Variants in PPP6R2 observed in about 807,000 individuals in gnomAD.
PPP6R2 encodes the protein protein phosphatase 6 regulatory subunit 2, also known as serine/threonine-protein phosphatase 6 regulatory subunit 2.
Under a neutral mutation model 100.2 loss-of-function variants are expected in PPP6R2, and 62 were observed. The observed-to-expected ratio is 0.62, with a 90% CI of 0.50 to 0.76. The LOEUF is 0.76. PPP6R2 is among the 30% of genes least tolerant of loss of function. The probability of loss-of-function intolerance (pLI) is 0.00; values close to 1 mark genes in which losing one functional copy is unlikely to be tolerated. For synonymous variants in PPP6R2, 525 were observed against 514.7 expected, an observed-to-expected ratio of 1.02 and a Z score of -0.27; for missense variants, 1,142 against 1,276.3, an observed-to-expected ratio of 0.89 and a Z score of 1.60.
Position 50,414,542 on chromosome 22 carries a change from G to T in PPP6R2, c.415-10G>T, listed in dbSNP as rs1356205584. On this transcript the variant is annotated splice_polypyrimidine_tract_variant and intron_variant, in intron 4 of 23. Coordinates refer to ENST00000612753, the MANE Select transcript of PPP6R2 (RefSeq NM_001242898.2). ...GGCCCCGCCTGCCTCTCAGGTGTGT[G>T]TGATTTCAGGTGATTACGTTTTTGA... 15 of 1,613,826 alleles carry T rather than the reference G, an allele frequency of 9.3e-6. No homozygotes were observed. Among genetic ancestry groups the T allele is most frequent in the Non-Finnish European group, 1.3e-5 (15 of 1,179,870 alleles).
In PPP6R2 at chr22:50,438,635, G is replaced by A; in HGVS notation, c.2001G>A (p.Lys667=). Residue 667 remains lysine, a synonymous_variant, in exon 19 of 24, where the codon AAG becomes AAA. Transcript: ENST00000612753. The part of the protein sequence containing the change: ...GAPHASESCS[K]NGPERGGQDG... The stretch of plus-strand genomic sequence containing the variant: ...CCCATGCTTCAGAGAGTTGCTCAAA[G>A]AATGGCCCAGAGCGTGGAGGCCAGG... The A allele has an allele frequency of 6.2e-7, 1 of 1,614,090 alleles. No individual in the cohort carries two copies. Among genetic ancestry groups the A allele is most frequent in the Non-Finnish European group, 8.5e-7 (1 of 1,180,004 alleles).
intron 9 of PPP6R2, 141 bp downstream of exon 9, chr22:50,422,521 C>G: frequency 2.6e-6 from 3 of 1,174,200 alleles, no homozygotes; most frequent in Non-Finnish European, 3.5e-6. Flanking sequence ...CCCACACCCC[C>G]ACTTGAGAAG....
upstream of PPP6R2, among the ~76,000 whole-genome samples, chr22:50,338,761 G>A (rs1303475539): frequency 8.5e-6 from 1 of 117,496 alleles, no homozygotes; most frequent in Non-Finnish European, 1.7e-5. Context: ...ATGTGTGGTA[G>A]GTAGTGTGTG....
intron 8 of PPP6R2, among the ~76,000 whole-genome samples, chr22:50,421,650 C>G (rs1047883671): frequency 6.6e-6 from 1 of 152,174 alleles, no homozygotes; most frequent in African/African-American, 2.4e-5. Context: ...GTGGCTCACG[C>G]TTGTAATCCC....
At chr22:50,357,451 T>C (rs1352788416) in intron 1 of PPP6R2, among the ~76,000 whole-genome samples, 1 of 151,608 alleles carries the variant, frequency 6.6e-6, no homozygotes, top group African/African-American at 2.4e-5. Context: ...TCTCTCTCTT[T>C]CCCTACCTCC....
chr22:50,432,904 G>A (rs1457601553), intron 12 of PPP6R2, among the ~76,000 whole-genome samples: 1 of 152,220 alleles, frequency 6.6e-6, no homozygotes, highest in Non-Finnish European at 1.5e-5. Flanking sequence ...ACAGCATGGA[G>A]GTCCCGCCCA....
At chr22:50,408,397 C>T (rs967694759) in intron 4 of PPP6R2, among the ~76,000 whole-genome samples, 2 of 152,170 alleles carry the variant, frequency 1.3e-5, no homozygotes, top group Non-Finnish European at 2.9e-5. Context: ...TGTGAGTGTT[C>T]AGTGGAATGC....
intron 3 of PPP6R2, among the ~76,000 whole-genome samples, chr22:50,401,649 C>CT (rs368734439): frequency 0.022 from 2,984 of 138,178 alleles, 50 homozygotes; most frequent in East Asian, 0.084. Context: ...TTTCTTTTTT[C>CT]TTTTTTTTTT....
Position 50,444,037 on chromosome 22 carries a change from G to A in PPP6R2, c.2751G>A (p.Val917=). The A allele has an allele frequency of 3.1e-6, 5 of 1,613,306 alleles. No individual in the cohort carries two copies. The highest frequency in any genetic ancestry group is 2.2e-5 in the East Asian group (1 of 44,884). ...CAGCAGTCTCTTCTGCACTGGCCGT[G>A]GCGGTCCCCCTAGGGCCCATCATGG... The part of the protein sequence containing the change: ...PTPAVSSALA[V]AVPLGPIMAV... The change falls in exon 23 of 24, where the codon GTG becomes GTA. Residue 917 remains valine, a synonymous_variant. Transcript: ENST00000612753.
intron 21 of PPP6R2, among the ~76,000 whole-genome samples, chr22:50,440,618 G>T (rs1337241019): frequency 6.6e-6 from 1 of 152,230 alleles, no homozygotes; most frequent in East Asian, 1.9e-4. Flanking sequence ...TATCATGGGG[G>T]AGGCAACAGG....
intron 18 of PPP6R2, 139 bp downstream of exon 18, chr22:50,438,437 G>A (rs1172260878): frequency 1.7e-5 from 25 of 1,462,290 alleles, no homozygotes; most frequent in African/African-American, 2.8e-5. Context: ...CCAATGCAGC[G>A]GGTGACCCTA....
At chr22:50,434,909 G>A (rs546803108) in intron 12 of PPP6R2, 57 bp from the exon 13 acceptor site, 37 of 1,499,050 alleles carry the variant, frequency 2.5e-5, no homozygotes, top group African/African-American at 1.5e-4. Context: ...TCTCTGGGTC[G>A]TGGGTCTGGC....
intron 2 of PPP6R2, among the ~76,000 whole-genome samples, chr22:50,390,186 T>G (rs1409463011): frequency 6.6e-6 from 1 of 150,656 alleles, no homozygotes; most frequent in Admixed American, 6.6e-5. Flanking sequence ...GAGATGGGGT[T>G]TCACCATGTT....
intron 2 of PPP6R2, among the ~76,000 whole-genome samples, chr22:50,383,046 C>T (rs1038247005): frequency 6.6e-6 from 1 of 152,010 alleles, no homozygotes; most frequent in African/African-American, 2.4e-5. Flanking sequence ...CCATATTGGC[C>T]AGGGTGGTCT....
intron 2 of PPP6R2, among the ~76,000 whole-genome samples, chr22:50,386,944 G>T (rs1044792242): frequency 1.8e-4 from 27 of 152,312 alleles, no homozygotes; most frequent in African/African-American, 6.5e-4. Context: ...CAGTCACACA[G>T]GTGGAGGGTG....
At chr22:50,380,129 C>T (rs757333090) in intron 2 of PPP6R2, among the ~76,000 whole-genome samples, 9 of 152,102 alleles carry the variant, frequency 5.9e-5, no homozygotes, top group South Asian at 2.1e-4. Context: ...AGGCTGCTTC[C>T]GCTCATGGCA....
chr22:50,437,409 A>G (rs2064570741), intron 15 of PPP6R2, 97 bp from the exon 16 acceptor site: 1 of 840,810 alleles, frequency 1.2e-6, no homozygotes, highest in South Asian at 1.5e-5. Flanking sequence ...CTCCCGAACA[A>G]CTAGAGAGAT....
intron 2 of PPP6R2, among the ~76,000 whole-genome samples, chr22:50,390,628 C>T (rs138722242): frequency 1.6e-3 from 244 of 151,892 alleles, no homozygotes; most frequent in Middle Eastern, 6.8e-3. Flanking sequence ...CATTGCACTC[C>T]ATCCTGGGCA....
At chr22:50,389,023 T>A (rs951022585) in intron 2 of PPP6R2, 2 of 152,218 alleles carry the variant, frequency 1.3e-5, no homozygotes, top group Non-Finnish European at 2.9e-5. Flanking sequence ...ATGGGCAACA[T>A]TCTGTTGCAG....
Sources: allele counts gnomAD v4.1 joint callset (sites outside exome capture counted in the v4.1 genomes callset), GRCh38; gene constraint gnomAD v4.1.1; transcripts MANE v1.5; gene names NCBI Gene and HGNC (gene_info 2026-07-23, HGNC 2026-07-21).